Variants in ZNF23 observed in about 807,000 individuals in gnomAD.
ZNF23 encodes the protein kruppel-like zinc finger factor X31.
In ZNF23, 48 loss-of-function variants were observed where a neutral mutation model predicts 56.2. The ratio of observed to expected loss-of-function variants is 0.85; its 90% CI spans 0.68 to 1.09. The LOEUF is 1.09. Among genes scored for constraint, ZNF23 ranks in the 50% least tolerant of loss-of-function variants. The pLI, the probability that ZNF23 is intolerant of heterozygous loss-of-function variation, is 0.00. For missense variants in ZNF23, 805 were observed against 811.4 expected (o/e 0.99, Z 0.10); for synonymous variants, 266 against 283.3 (o/e 0.94, Z 0.61).
chr16:71,452,561 T>C (rs2043093504), intron 4 of ZNF23: 1 of 152,234 alleles, frequency 6.6e-6, no homozygotes, highest in African/African-American at 2.4e-5. Context: ...TCAGGATTCC[T>C]TTACACATTC....
At chr16:71,453,178 C>G in intron 4 of ZNF23, 65 bp downstream of exon 4, 1 of 1,219,384 alleles carries the variant, frequency 8.2e-7, no homozygotes, top group Non-Finnish European at 1.2e-6. Flanking sequence ...TTATATGTTG[C>G]TAAAGCTGGC....
intron 1 of ZNF23, among the ~76,000 whole-genome samples, chr16:71,460,846 G>A (rs948626296): frequency 2.0e-5 from 3 of 151,824 alleles, no homozygotes; most frequent in Non-Finnish European, 4.4e-5. Flanking sequence ...TAGGAAGTAC[G>A]TACAAAAATA....
chr16:71,453,481 C>A, intron 3 of ZNF23, 131 bp from the exon 4 acceptor site: 1 of 678,520 alleles, frequency 1.5e-6, no homozygotes. Context: ...AGCCTCAGGA[C>A]TACGGGAAAG....
intron 1 of ZNF23, among the ~76,000 whole-genome samples, chr16:71,460,223 G>C (rs998732907): frequency 6.6e-6 from 1 of 152,196 alleles, no homozygotes; most frequent in South Asian, 2.1e-4. Flanking sequence ...CTGCCATCCA[G>C]GAGTAAGTAT....
At chr16:71,457,725 C>CA (rs571146489) in intron 1 of ZNF23, among the ~76,000 whole-genome samples, 27 of 151,038 alleles carry the variant, frequency 1.8e-4, no homozygotes, top group Non-Finnish European at 1.9e-4. Flanking sequence ...GACGCTATCT[C>CA]AAAAAAATAA....
At chr16:71,461,200 T>C (rs1406595906) in intron 1 of ZNF23, among the ~76,000 whole-genome samples, 7 of 152,128 alleles carry the variant, frequency 4.6e-5, no homozygotes, top group Admixed American at 2.6e-4. Flanking sequence ...GAGGAACACA[T>C]TGATAAATTC....
In ZNF23 at chr16:71,449,037, G is replaced by A; in HGVS notation, c.1117C>T (p.His373Tyr). Residue 373 changes from histidine (H) to tyrosine (Y), a missense_variant, in exon 5 of 5, where the codon CAT (histidine) becomes TAT (tyrosine). His to Tyr is a moderately conservative substitution (Grantham distance 83, BLOSUM62 2). Coordinates refer to ENST00000647773, the MANE Select transcript of ZNF23 (RefSeq NM_001381984.1). ...NAKLIQHQRI[H>Y]TGEKPYECNE... ...CATTCATAAGGTTTCTCTCCAGTAT[G>A]GATTCTCTGATGTTGAATTAATTTT... The A allele has an allele frequency of 6.2e-7, 1 of 1,614,168 alleles. No homozygotes were observed. Among genetic ancestry groups the A allele is most frequent in the Non-Finnish European group, 8.5e-7 (1 of 1,180,032 alleles).
chr16:71,449,822 A>G lies in ZNF23; in HGVS notation c.332T>C (p.Phe111Ser). The G allele has an allele frequency of 6.2e-7, 1 of 1,613,578 alleles. No individual in the cohort carries two copies. The highest frequency in any genetic ancestry group is 8.5e-7 in the Non-Finnish European group (1 of 1,179,972). The change falls in exon 5 of 5, where the codon TTT (phenylalanine) becomes TCT (serine). Residue 111 changes from phenylalanine (F) to serine (S), a missense_variant. By Grantham distance (155) the Phe-to-Ser change is radical (BLOSUM62 -2). Transcript: ENST00000647773. ...CTGGGAAAAGTCTCTTTGAAGTTCA[A>G]ATGATACATTCTCTTTTCCTTCATA... Reference protein sequence around the residue: ...EMYEGKENVSFELQRDFSQET... With the variant: ...EMYEGKENVSSELQRDFSQET...
At chr16:71,456,177 C>T (rs150574844) in intron 2 of ZNF23, 2 of 408,948 alleles carry the variant, frequency 4.9e-6, no homozygotes, top group East Asian at 1.4e-4. Flanking sequence ...GTTCCCCGCA[C>T]AACACCTCTT....
chr16:71,448,568 G>A lies in ZNF23; in HGVS notation c.1586C>T (p.Thr529Ile), dbSNP rs750182274. The A allele has an allele frequency of 1.9e-6, 3 of 1,613,112 alleles. No individual in the cohort carries two copies. The South Asian group carries it at 3.3e-5, about 18-fold the overall frequency. Reference protein sequence around the residue: ...FECNECGRCFTSKRNLLDHHR... With the variant: ...FECNECGRCFISKRNLLDHHR... ...ATGATCAAGTAGGTTTCTTTTAGAA[G>A]TAAAGCATCTCCCACACTCATTACA... Residue 529 changes from threonine to isoleucine, a missense_variant, in exon 5 of 5, where the codon ACT (threonine) becomes ATT (isoleucine). By Grantham distance (89) the Thr-to-Ile change is moderately conservative. Transcript: ENST00000647773.
rs534441212 is a variant in ZNF23, at chr16:71,456,327, C to G, written c.33+437G>C. ...CCTTGACTCCACTCCCTGTGACCTT[C>G]CCTTACCCCTGAATTAGAGGCACGG... On this transcript the variant is annotated intron_variant, in intron 2 of 4. Transcript: ENST00000647773. 2.6e-5 allele frequency among the ~76,000 whole-genome samples: 4 copies of G among 152,256 alleles called. No individual in the cohort carries two copies. The South Asian group carries it at 8.3e-4, about 32-fold the overall frequency.
intron 1 of ZNF23, among the ~76,000 whole-genome samples, chr16:71,460,003 T>G (rs2145138720): frequency 6.6e-6 from 1 of 152,330 alleles, no homozygotes; most frequent in East Asian, 1.9e-4. Context: ...GGTGTATACC[T>G]GCTGCCTGAA....
rs368695088 is a variant in ZNF23, at chr16:71,449,724, CCTT to C, written c.427_429del (p.Lys143del). ...GTTCCATCAATGGTGTTGCTCTTCT[CCTT>C]CTTTATATTTCCTGCTGAGTGGACT... On this transcript the variant is annotated inframe_deletion, in exon 5 of 5. Transcript: ENST00000647773. 25 of 1,613,928 alleles carry C rather than the reference CCTT, an allele frequency of 1.5e-5. No individual in the cohort carries two copies. The highest frequency in any genetic ancestry group is 8.0e-5 in the African/African-American group (6 of 75,038).
In ZNF23 at chr16:71,448,039, A is replaced by C; in HGVS notation, c.*54T>G. 5 of 1,410,778 alleles carry C rather than the reference A, an allele frequency of 3.5e-6. No homozygotes were observed. The highest frequency in any genetic ancestry group is 2.2e-5 in the Admixed American group (1 of 44,616). The allele number at this position is 1,410,778 out of a possible 1,614,324, so 87.4% of individuals were successfully genotyped here. Reference sequence around the variant, plus strand: ...GGTTTTTCAATGGATGAATCTGATGATACTTGATCCATTTTGGCATTAACC... The same window carrying C: ...GGTTTTTCAATGGATGAATCTGATGCTACTTGATCCATTTTGGCATTAACC... On this transcript the variant is annotated 3_prime_UTR_variant, in exon 5 of 5. Transcript: ENST00000647773.
Position 71,448,040 on chromosome 16 carries a change from T to A in ZNF23, c.*53A>T. 1 of 1,417,416 alleles carries A rather than the reference T, an allele frequency of 7.1e-7. No homozygotes were observed. The highest frequency in any genetic ancestry group is 9.6e-7 in the Non-Finnish European group (1 of 1,043,406). The allele number at this position is 1,417,416 out of a possible 1,614,324, so 87.8% of individuals were successfully genotyped here. On this transcript the variant is annotated 3_prime_UTR_variant, in exon 5 of 5. Coordinates refer to ENST00000647773, the MANE Select transcript of ZNF23 (RefSeq NM_001381984.1). Reference sequence around the variant, plus strand: ...GTTTTTCAATGGATGAATCTGATGATACTTGATCCATTTTGGCATTAACCT... The same window carrying A: ...GTTTTTCAATGGATGAATCTGATGAAACTTGATCCATTTTGGCATTAACCT...
In ZNF23 at chr16:71,453,254, C is replaced by A; in HGVS notation, c.257G>T (p.Gly86Val). 2 of 1,607,046 alleles carry A rather than the reference C, an allele frequency of 1.2e-6. No homozygotes were observed. Among genetic ancestry groups the A allele is most frequent in the South Asian group, 2.2e-5 (2 of 89,378 alleles). ...SPLAAGTGLQ[G>V]LQTVDIQTDN... ...TGTACCTCCCTTACCAGTCTGGAGG[C>A]CCTGGAGGCCTGTTCCTGCAGCCAG... Residue 86 changes from glycine to valine, a missense_variant, in exon 4 of 5, where the codon GGC (glycine) becomes GTC (valine). Coordinates refer to ENST00000647773, the MANE Select transcript of ZNF23 (RefSeq NM_001381984.1).
intron 4 of ZNF23, chr16:71,451,385 G>GTCTCTTCCCAACTAAAAAAATAATACTCA (rs1213859609): frequency 4.6e-5 from 7 of 152,026 alleles, no homozygotes; most frequent in African/African-American, 1.7e-4. Flanking sequence ...AATAATACTG[G>GTCTCTTCCCAACTAAAAAAATAATACTCA]TCTCTTCCCA....
chr16:71,456,002 C>T (rs1433437332), intron 2 of ZNF23: 1 of 456,396 alleles, frequency 2.2e-6, no homozygotes, highest in Non-Finnish European at 4.4e-6. Flanking sequence ...ATACAAAGGG[C>T]TTAGTATGGC....
Position 71,454,265 on chromosome 16 carries a change from G to C in ZNF23, c.34-97C>G. On this transcript the variant is annotated intron_variant, in intron 2 of 4. Coordinates refer to ENST00000647773, the MANE Select transcript of ZNF23 (RefSeq NM_001381984.1). ...GTATAAGGGCTTGGGGAGGGTGCTT[G>C]TGAGAGCACAAAATTAGTATTAACA... is the stretch of plus-strand genomic sequence containing the variant. The C allele has an allele frequency of 1.4e-6, 2 of 1,457,812 alleles. 1 individual carries two copies. The highest frequency in any genetic ancestry group is 2.9e-5 in the South Asian group (2 of 69,136). The allele number at this position is 1,457,812 out of a possible 1,614,324, so 90.3% of individuals were successfully genotyped here.
Sources: gnomAD v4.1 joint callset for allele counts (sites outside exome capture counted in the v4.1 genomes callset) on GRCh38, gnomAD v4.1.1 for gene constraint, MANE v1.5 for transcripts, NCBI Gene and HGNC (gene_info 2026-07-23, HGNC 2026-07-21) for gene names.